The following HSD17B4 variants were observed in gnomAD, a reference collection of about 807,000 sequenced individuals.
HSD17B4 encodes hydroxysteroid 17-beta dehydrogenase 4.
Under a neutral mutation model 101.0 loss-of-function variants are expected in HSD17B4, and 70 were observed. That is an observed-to-expected ratio of 0.69 (90% CI 0.57 to 0.85). The LOEUF is 0.85. HSD17B4 is among the 40% of genes least tolerant of loss of function. The pLI is 0.00. For missense variants in HSD17B4, 984 were observed against 892.4 expected (o/e 1.10, Z -1.31); for synonymous variants, 347 against 297.1 (o/e 1.17, Z -1.73).
chr5:119,493,815 C>G lies in HSD17B4; in HGVS notation c.740-3C>G. On this transcript the variant is annotated splice_polypyrimidine_tract_variant and splice_region_variant and intron_variant, in intron 10 of 23. Coordinates refer to ENST00000510025, the MANE Select transcript of HSD17B4 (RefSeq NM_000414.4). The stretch of plus-strand genomic sequence containing the variant: ...AGTATGTTAGTTTTGTTTCTATAAC[C>G]AGTACGCTGGGAGCGGACTCTTGGA... 6.2e-7 allele frequency: 1 copy of G among 1,611,986 alleles called. No homozygotes were observed. The highest frequency in any genetic ancestry group is 1.1e-5 in the South Asian group (1 of 91,012).
chr5:119,468,220 T>G (rs1756005448), intron 2 of HSD17B4, among the ~76,000 whole-genome samples: 1 of 152,168 alleles, frequency 6.6e-6, no homozygotes. Context: ...TTTTAAGCTT[T>G]CATATGTTTT....
chr5:119,499,178 TATA>T, intron 12 of HSD17B4, 136 bp from the exon 13 acceptor site: 1 of 641,654 alleles, frequency 1.6e-6, no homozygotes, highest in South Asian at 1.9e-5. Flanking sequence ...AAAAATAAAA[TATA>T]ATTGCAATAA....
chr5:119,530,850 AAAAAAAAAAAAAACAAAAAAC>A (rs942560639), intron 21 of HSD17B4, among the ~76,000 whole-genome samples: 2 of 142,696 alleles, frequency 1.4e-5, no homozygotes, highest in East Asian at 4.3e-4. Context: ...TGTCTCAAAA[AAAAAAAAAAAAAACAAAAAAC>A]AAAAAAAACC....
intron 2 of HSD17B4, among the ~76,000 whole-genome samples, chr5:119,462,248 A>ATTTTTTG (rs1755319414): frequency 3.3e-5 from 1 of 30,008 alleles, no homozygotes. Flanking sequence ...AACAAATGTG[A>ATTTTTTG]TTTTTTTTTT....
At chr5:119,492,581 G>A (rs1042025047) in intron 10 of HSD17B4, 4 of 165,110 alleles carry the variant, frequency 2.4e-5, no homozygotes, top group Admixed American at 2.3e-4. Flanking sequence ...TGAAGCAGGA[G>A]ACGTCAAGGG....
At chr5:119,527,316 T>C (rs1210031220) in intron 20 of HSD17B4, 97 bp downstream of exon 20, 8 of 694,190 alleles carry the variant, frequency 1.2e-5, no homozygotes, top group Non-Finnish European at 1.8e-5. Flanking sequence ...AAAGTTCTTT[T>C]TAAGTAATGG....
chr5:119,514,599 A>T (rs1752450816), intron 16 of HSD17B4, among the ~76,000 whole-genome samples: 1 of 152,204 alleles, frequency 6.6e-6, no homozygotes, highest in African/African-American at 2.4e-5. Context: ...AAATTAAAAT[A>T]TGCAAGGATT....
rs766756673 is a variant in HSD17B4, at chr5:119,496,547, A to G, written c.873A>G (p.Ser291=). ...GTTTTTCATTTTTCATTTTAGAATC[A>G]ACTGGCAGTATAATTGAAGTTCTGA... is the stretch of plus-strand genomic sequence containing the variant. ...NASKPQSIQE[S]TGSIIEVLSK... The change falls in exon 12 of 24, where the codon TCA becomes TCG. Residue 291 remains serine (S), a synonymous_variant. Transcript: ENST00000510025. 6.6e-7 allele frequency: 1 copy of G among 1,521,648 alleles called. No homozygotes were observed. The highest frequency in any genetic ancestry group is 9.1e-7 in the Non-Finnish European group (1 of 1,096,016). 94.3% of individuals were successfully genotyped at this position (1,521,648 alleles called of 1,614,324 possible).
chr5:119,517,113 G>A (rs964051789), intron 17 of HSD17B4, among the ~76,000 whole-genome samples: 2 of 152,196 alleles, frequency 1.3e-5, no homozygotes, highest in African/African-American at 4.8e-5. Context: ...AGGGAGAGGC[G>A]CTAGCGGGAA....
chr5:119,519,813 A>T (rs1391322085), intron 17 of HSD17B4, among the ~76,000 whole-genome samples: 8 of 152,204 alleles, frequency 5.3e-5, no homozygotes, highest in Non-Finnish European at 1.2e-4. Context: ...TTTCACTAGA[A>T]TATTTTCATA....
chr5:119,461,992 T>C (rs1755290707), intron 2 of HSD17B4, among the ~76,000 whole-genome samples: 1 of 152,122 alleles, frequency 6.6e-6, no homozygotes. Flanking sequence ...TAATAGACTG[T>C]CCGAGTCACT....
At chr5:119,536,649 G>A in intron 23 of HSD17B4, 99 bp downstream of exon 23, 1 of 1,119,988 alleles carries the variant, frequency 8.9e-7, no homozygotes, top group Non-Finnish European at 1.3e-6. Context: ...TTATAAGCCA[G>A]GTTTCTTACA....
At chr5:119,509,518 G>A (rs539262377) in intron 16 of HSD17B4, 25 of 540,434 alleles carry the variant, frequency 4.6e-5, no homozygotes, top group East Asian at 4.2e-4. Flanking sequence ...CATTTTTTAT[G>A]TTTTTCATGA....
At position 119,478,999 on chromosome 5, in the gene HSD17B4, G is replaced by T. The variant is rs776060692; in HGVS notation, c.600G>T (p.Met200Ile). Residue 200 changes from methionine (M) to isoleucine (I), a missense_variant, in exon 8 of 24, where the codon ATG (methionine) becomes ATT (isoleucine). Met to Ile is a conservative substitution (Grantham distance 10). Transcript: ENST00000510025. ...NTIAPNAGSR[M>I]TQTVMPEDLV... is the part of the protein sequence containing the mutation. ...TTGCTCCTAATGCGGGATCACGGAT[G>T]ACTCAGACAGTTATGCCTGAAGGTA... is the stretch of plus-strand genomic sequence containing the variant. 1.2e-6 allele frequency: 2 copies of T among 1,613,358 alleles called. No individual in the cohort carries two copies. Among genetic ancestry groups the T allele is most frequent in the African/African-American group, 2.7e-5 (2 of 74,884 alleles).
In HSD17B4 at chr5:119,529,962, A is replaced by G. The variant is rs2126889891; in HGVS notation, c.1836A>G (p.Ser612=). 6.2e-7 allele frequency: 1 copy of G among 1,602,936 alleles called. No homozygotes were observed. Among genetic ancestry groups the G allele is most frequent in the Non-Finnish European group, 8.5e-7 (1 of 1,170,330 alleles). ...ATCTTGCACCAACATCTGGTACTTCAGCTAAGACACCCTCTGAGGTAGGTT... is the reference window on the plus strand; with the variant it reads ...ATCTTGCACCAACATCTGGTACTTCGGCTAAGACACCCTCTGAGGTAGGTT... ...YVDLAPTSGT[S]AKTPSEGGKL... is the part of the protein sequence containing the mutation. The change falls in exon 21 of 24, where the codon TCA becomes TCG. Residue 612 remains serine (S), a synonymous_variant. Coordinates refer to ENST00000510025, the MANE Select transcript of HSD17B4 (RefSeq NM_000414.4).
In HSD17B4 at chr5:119,452,815, C is replaced by T. The variant is rs1018612914; in HGVS notation, c.58+182C>T. The T allele has an allele frequency of 3.3e-6, 5 of 1,536,818 alleles. No homozygotes were observed. The highest frequency in any genetic ancestry group is 8.7e-7 in the Non-Finnish European group (1 of 1,147,366). Reference sequence around the variant, plus strand: ...AAAGAGCCGGAAACACCTGGTCTCTCAAGCAGGTACAGCCCGCTTCTCCCC... The same window carrying T: ...AAAGAGCCGGAAACACCTGGTCTCTTAAGCAGGTACAGCCCGCTTCTCCCC... On this transcript the variant is annotated intron_variant, in intron 1 of 23. Coordinates refer to ENST00000510025, the MANE Select transcript of HSD17B4 (RefSeq NM_000414.4).
chr5:119,522,302 A>G (rs1194688662), intron 17 of HSD17B4, among the ~76,000 whole-genome samples: 1 of 152,216 alleles, frequency 6.6e-6, no homozygotes, highest in African/African-American at 2.4e-5. Context: ...TTCATGGTGT[A>G]TATGTGCTAC....
At chr5:119,459,459 G>A (rs931745255) in intron 2 of HSD17B4, among the ~76,000 whole-genome samples, 4 of 152,168 alleles carry the variant, frequency 2.6e-5, no homozygotes, top group Non-Finnish European at 5.9e-5. Context: ...GCACATCCTA[G>A]CCCCCTTATA....
chr5:119,530,491 C>G (rs1482022691), intron 21 of HSD17B4, among the ~76,000 whole-genome samples: 1 of 151,864 alleles, frequency 6.6e-6, no homozygotes, highest in Admixed American at 6.6e-5. Context: ...TACCCATGAT[C>G]TTTAATTGTC....
Sources: allele counts gnomAD v4.1 joint callset (sites outside exome capture counted in the v4.1 genomes callset), GRCh38; gene constraint gnomAD v4.1.1; transcripts MANE v1.5; gene names NCBI Gene and HGNC (gene_info 2026-07-23, HGNC 2026-07-21).